The following VTI1A variants were observed in gnomAD, a reference collection of about 807,000 sequenced individuals.
VTI1A encodes vesicle transport through interaction with t-SNAREs homolog 1A.
Under a neutral mutation model 34.9 loss-of-function variants are expected in VTI1A, and 22 were observed. The observed-to-expected ratio is 0.63, with a 90% confidence interval of 0.45 to 0.90. The LOEUF (loss-of-function observed/expected upper bound fraction) is 0.90. Ranked by LOEUF, VTI1A falls within the 40% of genes least tolerant of loss-of-function variation. The pLI is 0.00. For missense variants in VTI1A, 268 were observed against 275.6 expected, an observed-to-expected ratio of 0.97 and a Z score of 0.20; for synonymous variants, 87 against 97.3, an observed-to-expected ratio of 0.89 and a Z score of 0.62.
chr10:112,746,226 A>G (rs957299164), intron 7 of VTI1A, among the ~76,000 whole-genome samples: 5 of 152,146 alleles, frequency 3.3e-5, no homozygotes, highest in African/African-American at 9.7e-5. Context: ...TACTCCACCC[A>G]TGTTTTAGAA....
rs1226162235 is a variant in VTI1A at position 112,817,732 on chromosome 10, C to T, written c.*2349C>T. ...TGCCCCACCAGGAAAGGAATAACGT[C>T]CACAGACTTGAAGCAGATAGTGAAG... On this transcript the variant is annotated 3_prime_UTR_variant, in exon 8 of 8. Coordinates refer to ENST00000393077, the MANE Select transcript of VTI1A (RefSeq NM_145206.4). 2 of 229,584 alleles carry T rather than the reference C, an allele frequency of 8.7e-6. No homozygotes were observed. The highest frequency in any genetic ancestry group is 4.4e-5 in the African/African-American group (2 of 45,164). 14.2% of individuals were successfully genotyped at this position (229,584 alleles called of 1,614,324 possible). A position where few individuals can be genotyped will look rare whatever the true frequency, so the allele number is the denominator to read the frequency against.
intron 7 of VTI1A, among the ~76,000 whole-genome samples, chr10:112,733,410 C>T (rs776416978): frequency 1.3e-4 from 20 of 152,110 alleles, no homozygotes; most frequent in East Asian, 5.8e-4. Flanking sequence ...CCCCCGTCTC[C>T]GTGGATTTAC....
intron 3 of VTI1A, among the ~76,000 whole-genome samples, chr10:112,500,704 C>T (rs1246581823): frequency 6.6e-6 from 1 of 152,182 alleles, no homozygotes; most frequent in Non-Finnish European, 1.5e-5. Context: ...CAATGTTGGA[C>T]TCTTGATTAT....
the VTI1A span, among the ~76,000 whole-genome samples, chr10:112,843,237 C>A: frequency 6.6e-6 from 1 of 152,238 alleles, no homozygotes; most frequent in Non-Finnish European, 1.5e-5. Flanking sequence ...AATGCAGTTC[C>A]AGGCTTCTCC....
chr10:112,633,499 T>C (rs1564858134), intron 5 of VTI1A, among the ~76,000 whole-genome samples: 1 of 152,024 alleles, frequency 6.6e-6, no homozygotes, highest in Non-Finnish European at 1.5e-5. Context: ...TAATTGATCT[T>C]CAGACATTGA....
the VTI1A span, chr10:112,831,444 T>A: frequency 6.6e-6 from 1 of 152,244 alleles, no homozygotes; most frequent in Non-Finnish European, 1.5e-5. Flanking sequence ...GACAGACGGC[T>A]GCCTTGGATG....
chr10:112,469,252 T>C (rs1848001628), intron 3 of VTI1A, among the ~76,000 whole-genome samples: 1 of 152,080 alleles, frequency 6.6e-6, no homozygotes, highest in Non-Finnish European at 1.5e-5. Context: ...CAGCTCAACC[T>C]TTTTTTTCAT....
chr10:112,618,524 T>TATATATATAGAGAGAGAGAG (rs748276058), intron 5 of VTI1A, among the ~76,000 whole-genome samples: 15 of 34,572 alleles, frequency 4.3e-4, no homozygotes, highest in South Asian at 3.3e-3. Flanking sequence ...TATATATATA[T>TATATATATAGAGAGAGAGAG]AGAGAGAGAG....
At chr10:112,630,996 C>A (rs185478354) in intron 5 of VTI1A, among the ~76,000 whole-genome samples, 201 of 152,162 alleles carry the variant, frequency 1.3e-3, no homozygotes, top group African/African-American at 4.5e-3. Flanking sequence ...GTGGCATGCA[C>A]CTGTAATCCC....
chr10:112,845,854 C>A, the VTI1A span, among the ~76,000 whole-genome samples: 1 of 152,082 alleles, frequency 6.6e-6, no homozygotes, highest in Non-Finnish European at 1.5e-5. Flanking sequence ...CCCGTCTCTG[C>A]TAAAAATACA....
rs1853582289 is a variant in VTI1A, at chr10:112,818,336, T to C, written c.*2953T>C. The C allele has an allele frequency of 8.6e-6, 2 of 232,692 alleles. No homozygotes were observed. Among genetic ancestry groups the C allele is most frequent in the Non-Finnish European group, 1.7e-5 (2 of 117,704 alleles). 14.4% of individuals were successfully genotyped at this position (232,692 alleles called of 1,614,324 possible). ...CCAAAAACCTCATCAGATAATGACC[T>C]CAGTGATTGGGTTTTCATTACCAAA... On this transcript the variant is annotated 3_prime_UTR_variant, in exon 8 of 8. Coordinates refer to ENST00000393077, the MANE Select transcript of VTI1A (RefSeq NM_145206.4).
chr10:112,702,628 C>A (rs1849049238), intron 7 of VTI1A, among the ~76,000 whole-genome samples: 1 of 152,220 alleles, frequency 6.6e-6, no homozygotes, highest in South Asian at 2.1e-4. Flanking sequence ...ACTCTGTCGC[C>A]CAGGCTGGAG....
At chr10:112,759,361 C>T (rs1851381371) in intron 7 of VTI1A, among the ~76,000 whole-genome samples, 2 of 152,162 alleles carry the variant, frequency 1.3e-5, no homozygotes, top group Non-Finnish European at 2.9e-5. Context: ...AAGCCAAATG[C>T]TCATTCCACT....
chr10:112,470,151 C>T lies in VTI1A; in HGVS notation c.264+5494C>T, dbSNP rs1197432044. 2.6e-5 allele frequency among the ~76,000 whole-genome samples: 4 copies of T among 152,140 alleles called. No homozygotes were observed. The East Asian group carries it at 7.7e-4, about 29-fold the overall frequency. On this transcript the variant is annotated intron_variant, in intron 3 of 7. Transcript: ENST00000393077. ...GGAGGGTTTGTCTTGTACCAATTAC[C>T]CCACCATGGCAGGAAGTGAAAGTTC...
intron 4 of VTI1A, among the ~76,000 whole-genome samples, chr10:112,536,177 T>A (rs1387298192): frequency 6.6e-6 from 1 of 152,218 alleles, no homozygotes; most frequent in Non-Finnish European, 1.5e-5. Flanking sequence ...CTCTAATAAC[T>A]AAATGTTTTC....
intron 7 of VTI1A, among the ~76,000 whole-genome samples, chr10:112,703,993 T>A (rs953337992): frequency 5.3e-5 from 8 of 152,348 alleles, no homozygotes; most frequent in Admixed American, 2.0e-4. Flanking sequence ...ATATGCATAG[T>A]GTGACTGTCT....
chr10:112,645,124 A>G (rs150806237), intron 5 of VTI1A, among the ~76,000 whole-genome samples: 1 of 152,272 alleles, frequency 6.6e-6, no homozygotes, highest in Non-Finnish European at 1.5e-5. Flanking sequence ...ATCCAATGTC[A>G]TATTTGGTTT....
At chr10:112,510,293 T>C (rs1462195560) in intron 3 of VTI1A, among the ~76,000 whole-genome samples, 1 of 152,184 alleles carries the variant, frequency 6.6e-6, no homozygotes, top group African/African-American at 2.4e-5. Context: ...TTTATTCTTA[T>C]CTGTTAAGCA....
At chr10:112,792,508 A>G (rs10787461) in intron 7 of VTI1A, among the ~76,000 whole-genome samples, 79,667 of 151,904 alleles carry the variant, frequency 0.52, 22,171 homozygotes, top group South Asian at 0.69. Flanking sequence ...CAATGCTGCT[A>G]TTGTTTGTTG....
Sources: allele counts gnomAD v4.1 joint callset (sites outside exome capture counted in the v4.1 genomes callset), GRCh38; gene constraint gnomAD v4.1.1; transcripts MANE v1.5; gene names NCBI Gene and HGNC (gene_info 2026-07-23, HGNC 2026-07-21).